The following CTDP1 variants were observed in gnomAD, a reference collection of about 807,000 sequenced individuals.
CTDP1 encodes RNA polymerase II subunit A C-terminal domain phosphatase.
Under a neutral mutation model 91.8 loss-of-function variants are expected in CTDP1, and 47 were observed. The ratio of observed to expected loss-of-function variants is 0.51; its 90% CI spans 0.41 to 0.65. CTDP1 has a LOEUF of 0.65. Among genes scored for constraint, CTDP1 ranks in the 30% least tolerant of loss-of-function variants. The pLI, the probability that CTDP1 is intolerant of heterozygous loss-of-function variation, is 0.00. For synonymous variants in CTDP1, 656 were observed against 598.5 expected (o/e 1.10, Z -1.40); for missense variants, 1,272 against 1,373.7 (o/e 0.93, Z 1.17).
chr18:79,677,993 A>G (rs680014), upstream of CTDP1: 116,005 of 152,190 alleles, frequency 0.76, 44,478 homozygotes, highest in Middle Eastern at 0.79. Flanking sequence ...TCTCGTGAGC[A>G]CCGCACGTTT....
At chr18:79,735,027 C>T (rs556331486) in intron 11 of CTDP1, among the ~76,000 whole-genome samples, 12 of 152,302 alleles carry the variant, frequency 7.9e-5, no homozygotes, top group South Asian at 4.1e-4. Context: ...GGACACGTGG[C>T]GATGAGTTTG....
In CTDP1 at chr18:79,748,345, C is replaced by T. The variant is rs546011835; in HGVS notation, c.2748-5307C>T. ...TCATCACGGAGCGAGACCGAGGGTGCAGCATTCGCAGCACCAGGAGGGACC... is the reference window on the plus strand; with the variant it reads ...TCATCACGGAGCGAGACCGAGGGTGTAGCATTCGCAGCACCAGGAGGGACC... On this transcript the variant is annotated intron_variant, in intron 12 of 12. Transcript: ENST00000613122. 2.0e-5 allele frequency among the ~76,000 whole-genome samples: 3 copies of T among 152,260 alleles called. No individual in the cohort carries two copies. The South Asian group carries it at 6.2e-4, about 32-fold the overall frequency.
intron 4 of CTDP1, among the ~76,000 whole-genome samples, chr18:79,701,269 G>A (rs2085849987): frequency 6.6e-6 from 1 of 152,090 alleles, no homozygotes; most frequent in East Asian, 1.9e-4. Flanking sequence ...CCAGCACTTT[G>A]GGAGGACAAG....
intron 8 of CTDP1, among the ~76,000 whole-genome samples, chr18:79,715,781 C>T (rs1457172286): frequency 1.3e-5 from 2 of 152,204 alleles, no homozygotes; most frequent in Non-Finnish European, 2.9e-5. Context: ...CAACCTTCTC[C>T]CTGGAGTAAG....
chr18:79,679,285 C>CGG (rs373842031), upstream of CTDP1: 30 of 400,092 alleles, frequency 7.5e-5, no homozygotes, highest in African/African-American at 4.7e-4. Context: ...GCGTGGGGTC[C>CGG]GGGGGGGGAC....
chr18:79,722,808 G>A (rs953569304), intron 10 of CTDP1, among the ~76,000 whole-genome samples: 9 of 152,230 alleles, frequency 5.9e-5, no homozygotes, highest in African/African-American at 2.2e-4. Context: ...GGAAGTCTGA[G>A]GAAACGGGAC....
Position 79,715,242 on chromosome 18 carries a change from G to A in CTDP1, c.1782G>A (p.Glu594=). 6.8e-6 allele frequency: 11 copies of A among 1,610,866 alleles called. No individual in the cohort carries two copies. Among genetic ancestry groups the A allele is most frequent in the African/African-American group, 1.3e-5 (1 of 75,048 alleles). Residue 594 remains glutamate (E), a synonymous_variant, in exon 8 of 13, where the codon GAG becomes GAA. Coordinates refer to ENST00000613122, the MANE Select transcript of CTDP1 (RefSeq NM_004715.5). The part of the protein sequence containing the change: ...TDEDDHLIYL[E]EILVRVHTDY... The stretch of plus-strand genomic sequence containing the variant: ...AGGATGACCACCTCATCTACCTGGA[G>A]GAGATCCTGGTCCGTGTACACACTG...
At chr18:79,733,694 T>G (rs538602450) in intron 11 of CTDP1, among the ~76,000 whole-genome samples, 1 of 152,298 alleles carries the variant, frequency 6.6e-6, no homozygotes, top group African/African-American at 2.4e-5. Context: ...TCAGGATGCT[T>G]TCCCGACCTT....
chr18:79,745,335 C>CTGTCCCTGCGTCCCTCCCGTGCGG (rs2086863081), intron 12 of CTDP1, among the ~76,000 whole-genome samples: 1 of 50,120 alleles, frequency 2.0e-5, no homozygotes, highest in Non-Finnish European at 3.8e-5. Context: ...CTCCCGTGCG[C>CTGTCCCTGCGTCCCTCCCGTGCGG]GTTCTGTGCC....
intron 12 of CTDP1, among the ~76,000 whole-genome samples, chr18:79,738,722 G>A (rs1216315780): frequency 2.6e-5 from 4 of 152,218 alleles, no homozygotes; most frequent in Middle Eastern, 3.2e-3. Context: ...TCATTGTTCC[G>A]TTTGCAGGAA....
intron 1 of CTDP1, among the ~76,000 whole-genome samples, chr18:79,690,425 G>A (rs952593689): frequency 5.3e-5 from 8 of 152,204 alleles, no homozygotes; most frequent in Non-Finnish European, 1.2e-4. Flanking sequence ...CTGATTGGAC[G>A]TTTTTGGGCT....
At chr18:79,729,198 G>T (rs753404336) in intron 11 of CTDP1, 129 bp downstream of exon 11, 11 of 1,216,840 alleles carry the variant, frequency 9.0e-6, no homozygotes, top group Non-Finnish European at 1.3e-5. Flanking sequence ...GTGTAGTTGT[G>T]TCTGGTTTGG....
chr18:79,703,679 C>CATTT (rs56817821), intron 4 of CTDP1: 51,867 of 151,710 alleles, frequency 0.34, 9,338 homozygotes, highest in East Asian at 0.41. Context: ...CACGTATCAG[C>CATTT]GAGGAAACAA....
At chr18:79,734,319 T>G (rs917025960) in intron 11 of CTDP1, among the ~76,000 whole-genome samples, 5 of 152,254 alleles carry the variant, frequency 3.3e-5, no homozygotes, top group African/African-American at 1.2e-4. Context: ...CGCAGTCACC[T>G]TTTTTGTAAA....
intron 11 of CTDP1, among the ~76,000 whole-genome samples, chr18:79,731,804 A>G (rs944075752): frequency 6.6e-6 from 1 of 152,224 alleles, no homozygotes; most frequent in Admixed American, 6.5e-5. Flanking sequence ...ACCCTGATAA[A>G]ATGCCTCAAG....
At chr18:79,751,793 A>G (rs1016559649) in intron 12 of CTDP1, among the ~76,000 whole-genome samples, 1 of 152,144 alleles carries the variant, frequency 6.6e-6, no homozygotes, top group Non-Finnish European at 1.5e-5. Context: ...GTGTGGCTGT[A>G]TCACACATAA....
upstream of CTDP1, chr18:79,677,554 CTGTTCACTACGTAT>C (rs2085269061): frequency 6.6e-6 from 1 of 152,254 alleles, no homozygotes; most frequent in African/African-American, 2.4e-5. Flanking sequence ...AATTAGATGA[CTGTTCACTACGTAT>C]GGAGAAACCT....
chr18:79,751,501 C>T (rs1006315236), intron 12 of CTDP1, among the ~76,000 whole-genome samples: 3 of 152,194 alleles, frequency 2.0e-5, no homozygotes, highest in African/African-American at 4.8e-5. Flanking sequence ...CTTGTCGTGA[C>T]TGATCGGCTG....
At chr18:79,705,310 G>T (rs1461527640) in intron 5 of CTDP1, among the ~76,000 whole-genome samples, 3 of 152,182 alleles carry the variant, frequency 2.0e-5, no homozygotes, top group African/African-American at 7.2e-5. Context: ...GCCTACACAT[G>T]GGTACCCTTA....
Sources: allele counts gnomAD v4.1 joint callset (sites outside exome capture counted in the v4.1 genomes callset), GRCh38; gene constraint gnomAD v4.1.1; transcripts MANE v1.5; gene names NCBI Gene and HGNC (gene_info 2026-07-23, HGNC 2026-07-21).